DYNC2H1: variants seen among roughly 807,000 people sequenced by gnomAD.
DYNC2H1 encodes cytoplasmic dynein 2 heavy chain 1.
In DYNC2H1, 410 loss-of-function variants were observed where a neutral mutation model predicts 570.0. The observed-to-expected ratio is 0.72, with a 90% CI of 0.66 to 0.78. DYNC2H1 has a LOEUF of 0.78. Ranked by LOEUF, DYNC2H1 falls within the 30% of genes least tolerant of loss-of-function variation. The pLI is 0.00. For missense variants in DYNC2H1, 4,865 were observed against 5,046.4 expected, an observed-to-expected ratio of 0.96 and a Z score of 1.09; for synonymous variants, 1,688 against 1,677.6, an observed-to-expected ratio of 1.01 and a Z score of -0.15.
In DYNC2H1 at chr11:103,252,363, A is replaced by G. The variant is rs926081028; in HGVS notation, c.10043-922A>G. Among the ~76,000 whole-genome samples, 1 of 152,152 alleles carries G rather than the reference A, an allele frequency of 6.6e-6. No homozygotes were observed. The highest frequency in any genetic ancestry group is 1.5e-5 in the Non-Finnish European group (1 of 68,024). On this transcript the variant is annotated intron_variant, in intron 65 of 88. Coordinates refer to ENST00000375735, the MANE Select transcript of DYNC2H1 (RefSeq NM_001377.3). The surrounding 1 kb of genome is among the most constrained non-coding windows in gnomAD (Gnocchi z 4.6). ...AGGTGGTGACTTATTTCCTTTGGGC[A>G]TATACCCAGAAAAAAGATTGCTGGG...
At chr11:103,316,730 T>G in intron 80 of DYNC2H1, 110 bp downstream of exon 80, 1 of 782,194 alleles carries the variant, frequency 1.3e-6, no homozygotes, top group Non-Finnish European at 1.9e-6. Context: ...AAAATTTGCT[T>G]GTGCTTTTTA....
At chr11:103,309,168 A>ATGTTTTTTTTTTTTTTT (rs1867444215) in intron 78 of DYNC2H1, among the ~76,000 whole-genome samples, 1 of 54,618 alleles carries the variant, frequency 1.8e-5, no homozygotes, top group Non-Finnish European at 3.4e-5. Flanking sequence ...ACTGCATGCT[A>ATGTTTTTTTTTTTTTTT]TTTTTTTTTT....
intron 55 of DYNC2H1, among the ~76,000 whole-genome samples, chr11:103,216,164 ATTTCC>A (rs1205089016): frequency 6.6e-6 from 1 of 152,030 alleles, no homozygotes; most frequent in Non-Finnish European, 1.5e-5. Context: ...TTAGGTTGGT[ATTTCC>A]TTTTATTTTT....
At chr11:103,230,080 G>C (rs1462508830) in intron 59 of DYNC2H1, among the ~76,000 whole-genome samples, 1 of 152,200 alleles carries the variant, frequency 6.6e-6, no homozygotes, top group Non-Finnish European at 1.5e-5. Context: ...TCTCTGTTTT[G>C]ACAGGTAATT....
rs1064796480 is a variant in DYNC2H1 at position 103,177,700 on chromosome 11, A to G, written c.6019A>G (p.Thr2007Ala). The G allele has an allele frequency of 6.2e-7, 1 of 1,613,564 alleles. No homozygotes were observed. Among genetic ancestry groups the G allele is most frequent in the East Asian group, 2.2e-5 (1 of 44,830 alleles). The change falls in exon 38 of 89, where the codon ACT becomes GCT. Residue 2007 changes from threonine (T) to alanine (A), a missense_variant. Transcript: ENST00000375735. This position sits in a 1 kb window ranked among gnomAD's most constrained non-coding sequence, Gnocchi z 4.4. ...AACTGGCAAAGTAGTGAAACAATATACTATGAATCCCAAAGCTATGCCTCG... is the reference window on the plus strand; with the variant it reads ...AACTGGCAAAGTAGTGAAACAATATGCTATGAATCCCAAAGCTATGCCTCG... ...CKTGKVVKQY[T>A]MNPKAMPRYQ...
At chr11:103,321,307 A>G (rs1565493507) in intron 81 of DYNC2H1, 70 bp downstream of exon 81, 34 of 1,328,636 alleles carry the variant, frequency 2.6e-5, no homozygotes, top group Non-Finnish European at 3.6e-5. Context: ...ATTGTTAAAT[A>G]CATGTTACTT....
chr11:103,259,885 C>T lies in DYNC2H1; in HGVS notation c.10606-3C>T, dbSNP rs541360853. ...CTAATGAATTTCCAATTATAATCTACAGGATTCTGAAAATACAGAACAGAG... is the reference window on the plus strand; with the variant it reads ...CTAATGAATTTCCAATTATAATCTATAGGATTCTGAAAATACAGAACAGAG... On this transcript the variant is annotated splice_polypyrimidine_tract_variant and splice_region_variant and intron_variant, in intron 69 of 88. Transcript: ENST00000375735. 6 of 1,513,114 alleles carry T rather than the reference C, an allele frequency of 4.0e-6. No homozygotes were observed. Among genetic ancestry groups the T allele is most frequent in the Admixed American group, 4.3e-5 (2 of 46,944 alleles). 93.7% of individuals were successfully genotyped at this position (1,513,114 alleles called of 1,614,324 possible).
intron 83 of DYNC2H1, among the ~76,000 whole-genome samples, chr11:103,362,799 G>A (rs1006718391): frequency 6.6e-6 from 1 of 152,196 alleles, no homozygotes; most frequent in Non-Finnish European, 1.5e-5. Context: ...GGAGGCCGAA[G>A]TGGGAGGATC....
At chr11:103,269,841 G>A (rs930810145) in intron 70 of DYNC2H1, among the ~76,000 whole-genome samples, 1 of 152,032 alleles carries the variant, frequency 6.6e-6, no homozygotes, top group Non-Finnish European at 1.5e-5. Context: ...ATTTAGAATA[G>A]GTACAAAATA....
Position 103,235,754 on chromosome 11 carries a change from C to T in DYNC2H1, c.9650C>T (p.Ala3217Val), listed in dbSNP as rs1180282284. The stretch of plus-strand genomic sequence containing the variant: ...GCATTTATTACATATCTTTCTGCTG[C>T]TCCTGAATCTCTGAGAAAAACCTGT... The part of the protein sequence containing the change: ...AAAFITYLSA[A>V]PESLRKTCLE... The change falls in exon 62 of 89, where the codon GCT becomes GTT. Residue 3217 changes from alanine to valine, a missense_variant. Coordinates refer to ENST00000375735, the MANE Select transcript of DYNC2H1 (RefSeq NM_001377.3). 6.2e-7 allele frequency: 1 copy of T among 1,611,860 alleles called. No individual in the cohort carries two copies. The highest frequency in any genetic ancestry group is 1.7e-5 in the Admixed American group (1 of 59,780).
intron 28 of DYNC2H1, among the ~76,000 whole-genome samples, chr11:103,159,691 A>C (rs896205516): frequency 1.3e-5 from 2 of 152,160 alleles, no homozygotes. Context: ...ATTTACTTGG[A>C]AAGCGCAAGC....
At position 103,184,662 on chromosome 11, in the gene DYNC2H1, T is replaced by C. The variant is rs7128987; in HGVS notation, c.6478-234T>C. On this transcript the variant is annotated intron_variant, in intron 40 of 88. Coordinates refer to ENST00000375735, the MANE Select transcript of DYNC2H1 (RefSeq NM_001377.3). ...TTAGGAAGTAAATAAACTGTATCTA[T>C]TTGAGGACTGTAGCACTGAAAGCTA... Among the ~76,000 whole-genome samples the C allele has an allele frequency of 0.01, 1,564 of 152,030 alleles. 27 individuals carry two copies. Among genetic ancestry groups the C allele is most frequent in the African/African-American group, 0.036 (1,493 of 41,524 alleles).
At chr11:103,477,871 A>G (rs1181055522) in intron 88 of DYNC2H1, among the ~76,000 whole-genome samples, 1 of 147,534 alleles carries the variant, frequency 6.8e-6, no homozygotes, top group African/African-American at 2.5e-5. Context: ...AATTATTCCT[A>G]GCACCCAAAT....
At chr11:103,322,351 T>C (rs1434087274) in intron 81 of DYNC2H1, among the ~76,000 whole-genome samples, 2 of 152,186 alleles carry the variant, frequency 1.3e-5, no homozygotes, top group Non-Finnish European at 2.9e-5. Context: ...TACAGAAATG[T>C]ATACATCCTA....
chr11:103,333,716 A>G (rs1938957225), intron 82 of DYNC2H1, among the ~76,000 whole-genome samples: 1 of 152,204 alleles, frequency 6.6e-6, no homozygotes, highest in Non-Finnish European at 1.5e-5. Flanking sequence ...AGTTGTTTCT[A>G]AGGATATATT....
At chr11:103,193,426 C>G (rs542756649) in intron 47 of DYNC2H1, among the ~76,000 whole-genome samples, 2 of 152,162 alleles carry the variant, frequency 1.3e-5, no homozygotes, top group Non-Finnish European at 2.9e-5. Context: ...TGTCTGAATC[C>G]TCTGAAGAGT....
At chr11:103,303,770 G>A (rs1867151817) in intron 76 of DYNC2H1, among the ~76,000 whole-genome samples, 1 of 152,066 alleles carries the variant, frequency 6.6e-6, no homozygotes, top group South Asian at 2.1e-4. Context: ...GAAACTTCTG[G>A]CCGCCAGAAG....
At position 103,143,265 on chromosome 11, in the gene DYNC2H1, T is replaced by C. The variant is rs767414972; in HGVS notation, c.2575-3T>C. 5.0e-6 allele frequency: 8 copies of C among 1,612,418 alleles called. No individual in the cohort carries two copies. The South Asian group carries it at 8.8e-5, about 18-fold the overall frequency. ...ATAATACATTTTTTCTTTCTTTAAATAGGAATGGATTGTAATTGGGCAAGT... is the reference window on the plus strand; with the variant it reads ...ATAATACATTTTTTCTTTCTTTAAACAGGAATGGATTGTAATTGGGCAAGT... On this transcript the variant is annotated splice_region_variant and splice_polypyrimidine_tract_variant and intron_variant, in intron 17 of 88. Coordinates refer to ENST00000375735, the MANE Select transcript of DYNC2H1 (RefSeq NM_001377.3).
intron 54 of DYNC2H1, 96 bp from the exon 55 acceptor site, chr11:103,215,625 A>G: frequency 7.9e-7 from 1 of 1,266,310 alleles, no homozygotes; most frequent in Non-Finnish European, 1.0e-6. Flanking sequence ...ATACACACTT[A>G]ACATGTTTGC....
Sources: allele counts gnomAD v4.1 joint callset (sites outside exome capture counted in the v4.1 genomes callset), GRCh38; gene constraint gnomAD v4.1.1; non-coding constraint Gnocchi (gnomAD v3.1); transcripts MANE v1.5; gene names NCBI Gene and HGNC (gene_info 2026-07-23, HGNC 2026-07-21).